Variants in MBNL1 observed in about 807,000 individuals in gnomAD.
MBNL1 encodes the protein muscleblind like splicing regulator 1, also known as muscleblind-like protein 1.
A neutral mutation model predicts 42.2 loss-of-function variants in MBNL1; 8 were observed. The ratio of observed to expected loss-of-function variants is 0.19; its 90% confidence interval spans 0.11 to 0.34. MBNL1 has a LOEUF of 0.34. MBNL1 is among the 10% of genes least tolerant of loss of function. The probability of loss-of-function intolerance (pLI) is 1.00; values close to 1 mark genes in which losing one functional copy is unlikely to be tolerated. For missense variants in MBNL1, 309 were observed against 495.3 expected, an observed-to-expected ratio of 0.62 and a Z score of 3.57; for synonymous variants, 169 against 173.9, an observed-to-expected ratio of 0.97 and a Z score of 0.22.
chr3:152,252,278 CCCCT>C (rs1179958530), intron 2 of MBNL1, among the ~76,000 whole-genome samples: 3 of 145,684 alleles, frequency 2.1e-5, no homozygotes, highest in East Asian at 2.2e-4. Flanking sequence ...CTCCCTTCCT[CCCCT>C]CCCTCCCTCC....
intron 2 of MBNL1, among the ~76,000 whole-genome samples, chr3:152,395,163 G>A (rs542427842): frequency 1.3e-5 from 2 of 152,190 alleles, no homozygotes; most frequent in East Asian, 1.9e-4. Context: ...CCGGCCTTCA[G>A]CTTTTATTTA....
chr3:152,276,801 G>T (rs535241274), intron 1 of MBNL1, among the ~76,000 whole-genome samples: 13 of 152,238 alleles, frequency 8.5e-5, no homozygotes, highest in African/African-American at 3.1e-4. Flanking sequence ...TAACCTTACA[G>T]GAGTTGTGTT....
chr3:152,279,820 T>G (rs1007323473), intron 1 of MBNL1, among the ~76,000 whole-genome samples: 2 of 152,150 alleles, frequency 1.3e-5, no homozygotes, highest in African/African-American at 4.8e-5. Flanking sequence ...CATGGTTGTT[T>G]GATTATTTTA....
chr3:152,245,077 G>A (rs1275260703), intron 2 of MBNL1, among the ~76,000 whole-genome samples: 1 of 151,924 alleles, frequency 6.6e-6, no homozygotes, highest in Non-Finnish European at 1.5e-5. Flanking sequence ...AGTTTAATTT[G>A]TATTTATAAT....
At chr3:152,249,067 A>G (rs1026018561) in intron 2 of MBNL1, among the ~76,000 whole-genome samples, 1 of 148,798 alleles carries the variant, frequency 6.7e-6, no homozygotes, top group Non-Finnish European at 1.5e-5. Flanking sequence ...GAATAGTGCC[A>G]CAATAAACAT....
chr3:152,297,266 T>TG, intron 1 of MBNL1, among the ~76,000 whole-genome samples: 1 of 151,594 alleles, frequency 6.6e-6, no homozygotes, highest in Admixed American at 6.6e-5. Flanking sequence ...TTTTTTTTTT[T>TG]TTTTTTTTAT....
intron 2 of MBNL1, among the ~76,000 whole-genome samples, chr3:152,257,939 G>A (rs575476244): frequency 6.6e-6 from 1 of 152,290 alleles, no homozygotes; most frequent in South Asian, 2.1e-4. Context: ...TAAAGTGGGT[G>A]AGAAAAGTTC....
intron 2 of MBNL1, among the ~76,000 whole-genome samples, chr3:152,326,778 ATTATTTATTTATTTAT>A (rs3988216): frequency 4.9e-5 from 7 of 141,964 alleles, no homozygotes; most frequent in South Asian, 2.3e-4. Flanking sequence ...CCTTGGGAAA[ATTATTTATTTATTTAT>A]TTATTTATTT....
intron 2 of MBNL1, among the ~76,000 whole-genome samples, chr3:152,380,405 G>A (rs185971977): frequency 6.6e-6 from 1 of 152,144 alleles, no homozygotes; most frequent in Admixed American, 6.6e-5. Flanking sequence ...AACGGGCATT[G>A]AGCCAGATAG....
chr3:152,316,889 C>T (rs1211132911), intron 2 of MBNL1, among the ~76,000 whole-genome samples: 1 of 151,306 alleles, frequency 6.6e-6, no homozygotes, highest in Non-Finnish European at 1.5e-5. Flanking sequence ...ATTTATTTTG[C>T]TTTGCTTATT....
chr3:152,315,435 G>A (rs963170328), intron 2 of MBNL1, among the ~76,000 whole-genome samples: 1 of 152,084 alleles, frequency 6.6e-6, no homozygotes, highest in African/African-American at 2.4e-5. Context: ...GTGTATGTTG[G>A]TGCCCACATT....
At chr3:152,395,819 T>G (rs1187330926) in intron 2 of MBNL1, among the ~76,000 whole-genome samples, 1 of 152,228 alleles carries the variant, frequency 6.6e-6, no homozygotes, top group Non-Finnish European at 1.5e-5. Flanking sequence ...AGCGGGAATG[T>G]TCACACCTGT....
intron 2 of MBNL1, among the ~76,000 whole-genome samples, chr3:152,360,631 T>C (rs1161655563): frequency 6.6e-6 from 1 of 152,134 alleles, no homozygotes; most frequent in Non-Finnish European, 1.5e-5. Flanking sequence ...TAGAACTCTG[T>C]TGACCCTTCA....
chr3:152,340,681 CTAG>C, intron 2 of MBNL1: 4 of 1,614,026 alleles, frequency 2.5e-6, no homozygotes, highest in Non-Finnish European at 3.4e-6. Flanking sequence ...CGCATAATAC[CTAG>C]CAAGATCCCA....
chr3:152,250,846 T>C (rs1301396524), intron 2 of MBNL1, among the ~76,000 whole-genome samples: 1 of 152,142 alleles, frequency 6.6e-6, no homozygotes, highest in African/African-American at 2.4e-5. Flanking sequence ...TTGAATTTTG[T>C]CAAAGGCCTT....
At chr3:152,340,950 C>A in intron 2 of MBNL1, 1 of 1,518,780 alleles carries the variant, frequency 6.6e-7, no homozygotes. Context: ...AGCAGGCCTG[C>A]ACCTATACCA....
At chr3:152,400,963 T>C (rs1460140446) in intron 2 of MBNL1, among the ~76,000 whole-genome samples, 26 of 152,340 alleles carry the variant, frequency 1.7e-4, no homozygotes, top group Non-Finnish European at 8.8e-5. Flanking sequence ...GTAGCCATCA[T>C]TAGAATCATC....
chr3:152,310,284 A>G (rs1396136838), intron 2 of MBNL1, among the ~76,000 whole-genome samples: 2 of 152,238 alleles, frequency 1.3e-5, no homozygotes, highest in African/African-American at 4.8e-5. Flanking sequence ...GAAACAGCTA[A>G]TTTTATTCCC....
chr3:152,341,589 T>C (rs2093237481), intron 2 of MBNL1, among the ~76,000 whole-genome samples: 1 of 152,152 alleles, frequency 6.6e-6, no homozygotes, highest in African/African-American at 2.4e-5. Context: ...CTCTCTCCCT[T>C]CTGTTCTGTT....
Sources: gnomAD v4.1 joint callset for allele counts (sites outside exome capture counted in the v4.1 genomes callset) on GRCh38, gnomAD v4.1.1 for gene constraint, MANE v1.5 for transcripts, NCBI Gene and HGNC (gene_info 2026-07-23, HGNC 2026-07-21) for gene names.